Variants in ARVCF observed in about 807,000 individuals in gnomAD.
ARVCF encodes the protein ARVCF delta catenin family member.
ARVCF carries 66 observed loss-of-function variants against 90.9 expected under a neutral mutation model. The observed-to-expected ratio is 0.73, with a 90% CI of 0.60 to 0.89. The LOEUF (loss-of-function observed/expected upper bound fraction) is 0.89. Ranked by LOEUF, ARVCF falls within the 40% of genes least tolerant of loss-of-function variation. The probability of loss-of-function intolerance (pLI) is 0.00; values close to 1 mark genes in which losing one functional copy is unlikely to be tolerated. For synonymous variants in ARVCF, 653 were observed against 603.4 expected (o/e 1.08, Z -1.21); for missense variants, 1,469 against 1,382.3 (o/e 1.06, Z -1.00).
At chr22:19,981,832 T>C in intron 4 of ARVCF, 95 bp from the exon 5 acceptor site, 1 of 1,553,020 alleles carries the variant, frequency 6.4e-7, no homozygotes, top group Non-Finnish European at 8.7e-7. Context: ...ACTCGAGCAA[T>C]GAGAGGCCCC....
chr22:19,970,860 G>C, intron 19 of ARVCF, 117 bp from the exon 20 acceptor site: 3 of 1,225,820 alleles, frequency 2.4e-6, no homozygotes, highest in Non-Finnish European at 3.2e-6. Context: ...GTGGATAGAA[G>C]CATCTGCCCT....
chr22:19,986,663 C>A (rs1031236189), intron 3 of ARVCF: 2 of 175,722 alleles, frequency 1.1e-5, no homozygotes. Flanking sequence ...GGGCTTCCCT[C>A]TTCAGACTTC....
chr22:19,970,869 C>G, intron 19 of ARVCF, 126 bp from the exon 20 acceptor site: 1 of 1,213,040 alleles, frequency 8.2e-7, no homozygotes, highest in African/African-American at 1.5e-5. Context: ...AGCATCTGCC[C>G]TGGGTGGTGT....
chr22:19,967,705 T>C, downstream of ARVCF: 1 of 261,440 alleles, frequency 3.8e-6, no homozygotes, highest in Non-Finnish European at 7.6e-6. Context: ...GATTGCTTGT[T>C]AACTTTTGTT....
At chr22:19,982,456 C>T (rs534175169) in intron 3 of ARVCF, among the ~76,000 whole-genome samples, 2 of 152,242 alleles carry the variant, frequency 1.3e-5, no homozygotes, top group East Asian at 1.9e-4. Context: ...CCACAGGCTC[C>T]TCCAGGCCCC....
intron 17 of ARVCF, 122 bp downstream of exon 17, chr22:19,972,236 C>G: frequency 7.3e-7 from 1 of 1,367,172 alleles, no homozygotes; most frequent in Non-Finnish European, 1.0e-6. Context: ...CCTCTAAGCA[C>G]CCCTAAACCA....
At chr22:19,987,748 G>A (rs1269391896) in intron 3 of ARVCF, among the ~76,000 whole-genome samples, 3 of 151,984 alleles carry the variant, frequency 2.0e-5, no homozygotes, top group African/African-American at 2.4e-5. Flanking sequence ...ATGGGCCTGC[G>A]AAGAACTGTC....
At chr22:20,014,297 C>T (rs1944944770) in intron 1 of ARVCF, among the ~76,000 whole-genome samples, 1 of 152,128 alleles carries the variant, frequency 6.6e-6, no homozygotes, top group African/African-American at 2.4e-5. Context: ...CCGGTTCAAG[C>T]GATTCTCCTG....
chr22:19,974,161 A>C lies in ARVCF; in HGVS notation c.2039T>G (p.Leu680Arg), dbSNP rs1302252088. ...LLTESRNFNT[L>R]EAAAGALQNL... The stretch of plus-strand genomic sequence containing the variant: ...CTGCAGAGCGCCGGCGGCAGCCTCC[A>C]GGGTGTTGAAGTTCCGGCTCTCCGT... The change falls in exon 12 of 20, where the codon CTG becomes CGG. Residue 680 changes from leucine to arginine, a missense_variant. Coordinates refer to ENST00000263207, the MANE Select transcript of ARVCF (RefSeq NM_001670.3). 1 of 1,613,034 alleles carries C rather than the reference A, an allele frequency of 6.2e-7. No individual in the cohort carries two copies. The highest frequency in any genetic ancestry group is 8.5e-7 in the Non-Finnish European group (1 of 1,179,840).
chr22:19,984,512 G>C (rs2146337318), intron 3 of ARVCF, among the ~76,000 whole-genome samples: 1 of 152,306 alleles, frequency 6.6e-6, no homozygotes, highest in Admixed American at 6.5e-5. Flanking sequence ...GGTGGCAGGT[G>C]CATGAGTCAG....
intron 6 of ARVCF, chr22:19,979,288 G>T: frequency 1.6e-6 from 1 of 615,830 alleles, no homozygotes; most frequent in Non-Finnish European, 2.8e-6. Context: ...AGGTGCAGAG[G>T]AGGGTGTGGC....
At chr22:19,998,957 C>A (rs901824106) in intron 2 of ARVCF, among the ~76,000 whole-genome samples, 1 of 152,232 alleles carries the variant, frequency 6.6e-6, no homozygotes, top group Non-Finnish European at 1.5e-5. Flanking sequence ...AGCCACAACT[C>A]TGGGACAGGC....
At chr22:19,969,500 C>T (rs165728), downstream of ARVCF, 139,097 of 152,212 alleles carry the variant, frequency 0.91, 64,060 homozygotes, top group Middle Eastern at 0.95. Flanking sequence ...CTGGTTTCTG[C>T]CCACCTACAC....
intron 2 of ARVCF, among the ~76,000 whole-genome samples, chr22:19,992,538 G>A (rs947588130): frequency 6.6e-6 from 1 of 152,158 alleles, no homozygotes; most frequent in Non-Finnish European, 1.5e-5. Flanking sequence ...GGAATGGTAG[G>A]GTATTCCCCC....
Position 19,971,204 on chromosome 22 carries a change from G to A in ARVCF, c.*12+12C>T. ...GGAACAGGTGGACGAACAACCAGAT[G>A]AGAGAACGTACCAGGCATGCAAGCT... is the stretch of plus-strand genomic sequence containing the variant. On this transcript the variant is annotated intron_variant, in intron 19 of 19. Transcript: ENST00000263207. 1 of 1,551,782 alleles carries A rather than the reference G, an allele frequency of 6.4e-7. No homozygotes were observed. Among genetic ancestry groups the A allele is most frequent in the Non-Finnish European group, 8.7e-7 (1 of 1,147,014 alleles).
At chr22:20,005,306 T>C (rs1944580660) in intron 2 of ARVCF, among the ~76,000 whole-genome samples, 1 of 151,354 alleles carries the variant, frequency 6.6e-6, no homozygotes, top group Non-Finnish European at 1.5e-5. Flanking sequence ...AACATTTCTA[T>C]CATTAGGGAA....
chr22:20,014,862 T>C (rs1404961651), intron 1 of ARVCF, among the ~76,000 whole-genome samples: 1 of 151,272 alleles, frequency 6.6e-6, no homozygotes, highest in African/African-American at 2.4e-5. Flanking sequence ...ACTCCTGGGG[T>C]GAAGGAGCAC....
intron 18 of ARVCF, 137 bp from the exon 19 acceptor site, chr22:19,971,472 G>A (rs1349079439): frequency 1.5e-5 from 16 of 1,102,112 alleles, no homozygotes; most frequent in East Asian, 1.0e-4. Context: ...CACCAAGGGC[G>A]CAGGGAGCCG....
intron 8 of ARVCF, 65 bp from the exon 9 acceptor site, chr22:19,977,651 C>T: frequency 1.4e-6 from 2 of 1,474,860 alleles, no homozygotes; most frequent in Non-Finnish European, 1.8e-6. Context: ...TCAGGAAAGA[C>T]TGGCCACAGC....
Sources: allele counts gnomAD v4.1 joint callset (sites outside exome capture counted in the v4.1 genomes callset), GRCh38; gene constraint gnomAD v4.1.1; transcripts MANE v1.5; gene names NCBI Gene and HGNC (gene_info 2026-07-23, HGNC 2026-07-21).